The following MTUS2 variants were observed in gnomAD, a reference collection of about 807,000 sequenced individuals.
The protein encoded by MTUS2 is microtubule associated scaffold protein 2.
In MTUS2, 40 loss-of-function variants were observed where a neutral mutation model predicts 114.1. The observed-to-expected ratio is 0.35, with a 90% CI of 0.27 to 0.46. The LOEUF is 0.46. MTUS2 is among the 20% of genes least tolerant of loss of function. The pLI, the probability that MTUS2 is intolerant of heterozygous loss-of-function variation, is 1.00. For synonymous variants in MTUS2, 688 were observed against 672.0 expected (o/e 1.02, Z -0.37); for missense variants, 1,679 against 1,705.4 (o/e 0.98, Z 0.27).
chr13:29,152,691 G>T (rs1458017486), intron 5 of MTUS2, among the ~76,000 whole-genome samples: 1 of 152,028 alleles, frequency 6.6e-6, no homozygotes, highest in South Asian at 2.1e-4. Context: ...GCCTCAAGAT[G>T]TGGCTTCCCC....
chr13:29,025,714 A>C lies in MTUS2; in HGVS notation c.1016A>C (p.Asn339Thr), dbSNP rs756075662. 6.2e-7 allele frequency: 1 copy of C among 1,613,996 alleles called. No individual in the cohort carries two copies. The highest frequency in any genetic ancestry group is 1.3e-5 in the African/African-American group (1 of 75,048). The change falls in exon 3 of 16, where the codon AAT becomes ACT. Residue 339 changes from asparagine to threonine, a missense_variant. Around this residue, in one of 3 missense-constraint regions of MTUS2, gnomAD observed 843 missense variants for 770.8 expected, o/e 1.09. Coordinates refer to ENST00000612955, the MANE Select transcript of MTUS2 (RefSeq NM_001033602.4). The part of the protein sequence containing the change: ...EGYLGCHKEE[N>T]LSALEGRDPC... Reference sequence around the variant, plus strand: ...TATCTGGGATGCCACAAGGAAGAGAATCTGTCAGCCTTGGAGGGAAGGGAT... The same window carrying C: ...TATCTGGGATGCCACAAGGAAGAGACTCTGTCAGCCTTGGAGGGAAGGGAT...
intron 9 of MTUS2, among the ~76,000 whole-genome samples, chr13:29,473,865 GAAAT>G (rs34056481): frequency 0.72 from 108,468 of 151,640 alleles, 40,763 homozygotes; most frequent in Non-Finnish European, 0.84. Context: ...TACGTGAGTA[GAAAT>G]AAATAATGAA....
intron 4 of MTUS2, among the ~76,000 whole-genome samples, chr13:29,055,103 T>G (rs1179093430): frequency 6.6e-6 from 1 of 152,068 alleles, no homozygotes; most frequent in Non-Finnish European, 1.5e-5. Context: ...TTTAAAAAAT[T>G]TGTTCTATCA....
intron 8 of MTUS2, among the ~76,000 whole-genome samples, chr13:29,371,385 T>C (rs1018872016): frequency 1.1e-4 from 16 of 151,978 alleles, no homozygotes; most frequent in Non-Finnish European, 2.1e-4. Context: ...GCCCAACTAA[T>C]TTTTGTATTT....
intron 4 of MTUS2, among the ~76,000 whole-genome samples, chr13:29,067,550 A>G (rs1420484811): frequency 6.6e-6 from 1 of 152,160 alleles, no homozygotes; most frequent in African/African-American, 2.4e-5. Context: ...TCACATATTA[A>G]TTAGTAGGTT....
intron 6 of MTUS2, chr13:29,307,551 C>A: frequency 8.0e-7 from 1 of 1,248,074 alleles, no homozygotes; most frequent in Non-Finnish European, 1.2e-6. Flanking sequence ...ATGATGACAT[C>A]AAGAAGGTGG....
chr13:29,114,794 G>A (rs1484631785), intron 5 of MTUS2, among the ~76,000 whole-genome samples: 1 of 152,216 alleles, frequency 6.6e-6, no homozygotes, highest in Non-Finnish European at 1.5e-5. Context: ...TAACGCCTCA[G>A]CTTGAGGCAG....
rs1873839010 is a variant in MTUS2 at position 29,395,449 on chromosome 13, T to C, written c.3117+35976T>C. ...TAAAGGGAAAGAGGAATCAGAGACG[T>C]CTCCTTGATTGTCAGTCTGCACAGT... On this transcript the variant is annotated intron_variant, in intron 8 of 15. Transcript: ENST00000612955. Among the ~76,000 whole-genome samples the C allele has an allele frequency of 2.6e-5, 4 of 152,270 alleles. 1 individual carries two copies. The South Asian group carries it at 8.3e-4, about 32-fold the overall frequency.
chr13:29,483,302 T>A (rs1566229092), intron 10 of MTUS2, among the ~76,000 whole-genome samples: 2 of 152,196 alleles, frequency 1.3e-5, no homozygotes, highest in African/African-American at 4.8e-5. Context: ...AAATTGGGAC[T>A]CGCCGGCCGA....
At chr13:28,973,748 A>G (rs906315334) in intron 2 of MTUS2, among the ~76,000 whole-genome samples, 1 of 152,260 alleles carries the variant, frequency 6.6e-6, no homozygotes, top group Non-Finnish European at 1.5e-5. Flanking sequence ...GATAGTCACA[A>G]GAAAAATAAA....
chr13:29,151,562 C>A (rs1230739656), intron 5 of MTUS2, among the ~76,000 whole-genome samples: 1 of 152,148 alleles, frequency 6.6e-6, no homozygotes, highest in Non-Finnish European at 1.5e-5. Flanking sequence ...GCTAGGACTT[C>A]TAGTACATGT....
chr13:29,295,744 A>G (rs529455758), intron 6 of MTUS2, among the ~76,000 whole-genome samples: 3 of 152,320 alleles, frequency 2.0e-5, no homozygotes, highest in Admixed American at 1.3e-4. Flanking sequence ...ACAGTTCCCC[A>G]TGGCTGGGGA....
At position 28,847,807 on chromosome 13, in the gene MTUS2, T is replaced by C. The variant is rs1291135323; in HGVS notation, c.-243+7957T>C. ...GAAGACTGATGCTGTCTCAGAGTTA[T>C]ACTTCCTGATGCTGGATGGACCTCA... On this transcript the variant is annotated intron_variant, in intron 2 of 15. Coordinates refer to ENST00000612955, the MANE Select transcript of MTUS2 (RefSeq NM_001033602.4). Among the ~76,000 whole-genome samples, 4 of 152,312 alleles carry C rather than the reference T, an allele frequency of 2.6e-5. No individual in the cohort carries two copies. In the South Asian group the frequency reaches 6.2e-4, roughly 24 times the overall value.
At chr13:28,931,612 C>A (rs535791896) in intron 2 of MTUS2, among the ~76,000 whole-genome samples, 1 of 152,054 alleles carries the variant, frequency 6.6e-6, no homozygotes. Flanking sequence ...TCCTCGGTCT[C>A]CAGAAGTTCT....
At chr13:29,062,447 A>G (rs1888466548) in intron 4 of MTUS2, among the ~76,000 whole-genome samples, 1 of 152,188 alleles carries the variant, frequency 6.6e-6, no homozygotes, top group South Asian at 2.1e-4. Context: ...TGGTCACTCA[A>G]AGATCTAAGT....
intron 5 of MTUS2, among the ~76,000 whole-genome samples, chr13:29,215,479 T>G (rs945372552): frequency 6.2e-4 from 12 of 19,488 alleles, no homozygotes; most frequent in Non-Finnish European, 1.0e-3. Flanking sequence ...TTGCTGTTTT[T>G]TTTTTTTTTT....
intron 8 of MTUS2, among the ~76,000 whole-genome samples, chr13:29,425,633 T>C (rs913564984): frequency 6.6e-6 from 1 of 152,206 alleles, no homozygotes; most frequent in Non-Finnish European, 1.5e-5. Flanking sequence ...TGAAGACCTT[T>C]GGTATTTACC....
chr13:28,899,087 A>C (rs1879471412), intron 2 of MTUS2, among the ~76,000 whole-genome samples: 1 of 152,206 alleles, frequency 6.6e-6, no homozygotes, highest in South Asian at 2.1e-4. Flanking sequence ...TACCCTTGAC[A>C]TTATTTAGTT....
chr13:28,902,070 A>G (rs944655973), intron 2 of MTUS2, among the ~76,000 whole-genome samples: 1 of 152,140 alleles, frequency 6.6e-6, no homozygotes, highest in African/African-American at 2.4e-5. Flanking sequence ...GTACACACTT[A>G]AGTATTTCAT....
Sources: gnomAD v4.1 joint callset for allele counts (sites outside exome capture counted in the v4.1 genomes callset) on GRCh38, gnomAD v4.1.1 for gene constraint, gnomAD v4.1.1 regional missense constraint, MANE v1.5 for transcripts, NCBI Gene and HGNC (gene_info 2026-07-23, HGNC 2026-07-21) for gene names.